FRMPD4: variants seen among roughly 807,000 people sequenced by gnomAD.
FRMPD4 encodes the protein FERM and PDZ domain-containing protein 4.
Under a neutral mutation model 94.1 loss-of-function variants are expected in FRMPD4, and 22 were observed. The ratio of observed to expected loss-of-function variants is 0.23; its 90% CI spans 0.17 to 0.33. The LOEUF (loss-of-function observed/expected upper bound fraction) is 0.33. Among genes scored for constraint, FRMPD4 ranks in the 10% least tolerant of loss-of-function variants. The probability of loss-of-function intolerance (pLI) is 1.00; values close to 1 mark genes in which losing one functional copy is unlikely to be tolerated. For synonymous variants in FRMPD4, 631 were observed against 548.6 expected (o/e 1.15, Z -2.10); for missense variants, 1,111 against 1,339.9 (o/e 0.83, Z 2.67).
rs184587144 is a variant in FRMPD4 at position 12,079,901 on chromosome X, T to C, written c.95+201883T>C. Among the ~76,000 whole-genome samples the C allele has an allele frequency of 4.0e-3, 456 of 112,779 alleles. 5 individuals carry two copies. The highest frequency in any genetic ancestry group is 0.037 in the Admixed American group (395 of 10,685). On this transcript the variant is annotated intron_variant, in intron 3 of 18. Transcript: ENST00000640291. ...AACTGGCTAAAAACATGAATGTCTC[T>C]TTACATTCTAGGCTTTAAATAAAAA...
intron 3 of FRMPD4, among the ~76,000 whole-genome samples, chrX:12,086,222 GCTGTGTACTTAC>G (rs895725843): frequency 9.0e-6 from 1 of 111,308 alleles, no homozygotes; most frequent in Non-Finnish European, 1.9e-5. Context: ...TTATAGAAAT[GCTGTGTACTTAC>G]CTTCTTCTTG....
chrX:12,277,632 A>C (rs930890768), intron 1 of FRMPD4, among the ~76,000 whole-genome samples: 8 of 111,926 alleles, frequency 7.1e-5, no homozygotes, highest in African/African-American at 2.6e-4. Context: ...TTTGGGAAGA[A>C]AAAGGGGTCA....
intron 1 of FRMPD4, among the ~76,000 whole-genome samples, chrX:12,442,723 A>T (rs1358549857): frequency 2.7e-5 from 3 of 111,395 alleles, no homozygotes; most frequent in Non-Finnish European, 3.8e-5. Context: ...TGGTAGTTCC[A>T]CTCCTAGGTT....
intron 2 of FRMPD4, among the ~76,000 whole-genome samples, chrX:12,566,276 T>C (rs2058711298): frequency 9.0e-6 from 1 of 111,657 alleles, no homozygotes; most frequent in Non-Finnish European, 1.9e-5. Context: ...ACCTCCTCCA[T>C]GATCTTGCTC....
rs890356578 is a variant in FRMPD4, at chrX:12,024,572, A to G, written c.95+146554A>G. On this transcript the variant is annotated intron_variant, in intron 3 of 18. Coordinates refer to the FRMPD4 transcript ENST00000640291. ...ATCAAGAAAATCCATGTATTATCCT[A>G]TACTTGTTTTCACATTTTAGAAAGG... Among the ~76,000 whole-genome samples the G allele has an allele frequency of 2.7e-5, 3 of 112,196 alleles. No homozygotes were observed. In the Admixed American group the frequency reaches 2.8e-4, roughly 11 times the overall value.
At chrX:12,472,706 G>T (rs1028167420) in intron 1 of FRMPD4, among the ~76,000 whole-genome samples, 1 of 111,639 alleles carries the variant, frequency 9.0e-6, no homozygotes, top group African/African-American at 3.3e-5. Context: ...TGGAAGAAAG[G>T]GTATCAGTGA....
intron 1 of FRMPD4, among the ~76,000 whole-genome samples, chrX:12,380,108 A>G (rs1483110775): frequency 4.5e-5 from 5 of 111,925 alleles, no homozygotes; most frequent in Non-Finnish European, 9.4e-5. Flanking sequence ...TTGATGACAC[A>G]TTCTTCAATT....
intron 3 of FRMPD4, among the ~76,000 whole-genome samples, chrX:11,934,901 G>C (rs1283935614): frequency 9.0e-6 from 1 of 111,351 alleles, no homozygotes; most frequent in African/African-American, 3.3e-5. Flanking sequence ...TGTTTGTAGC[G>C]TAAGAGGGAT....
At chrX:12,673,885 C>T (rs758897248) in intron 4 of FRMPD4, among the ~76,000 whole-genome samples, 1 of 112,124 alleles carries the variant, frequency 8.9e-6, no homozygotes, top group East Asian at 2.8e-4. Context: ...TGGGCCGAGC[C>T]ACAAATCAGT....
At chrX:12,383,347 T>C (rs373851545) in intron 1 of FRMPD4, among the ~76,000 whole-genome samples, 48 of 111,630 alleles carry the variant, frequency 4.3e-4, no homozygotes, top group African/African-American at 1.6e-3. Context: ...TCTGGAGACA[T>C]TGTCACATCT....
chrX:12,365,747 G>T (rs2056065075), intron 1 of FRMPD4, among the ~76,000 whole-genome samples: 1 of 112,236 alleles, frequency 8.9e-6, no homozygotes, highest in Non-Finnish European at 1.9e-5. Flanking sequence ...CAGGGCAGGG[G>T]CAGGGGGCAA....
chrX:12,584,285 G>A (rs1426166826), intron 2 of FRMPD4, among the ~76,000 whole-genome samples: 2 of 112,043 alleles, frequency 1.8e-5, no homozygotes, highest in Non-Finnish European at 3.8e-5. Context: ...TTGAGAGTGT[G>A]ATTTCACTGT....
intron 1 of FRMPD4, among the ~76,000 whole-genome samples, chrX:12,331,378 C>A (rs1245889184): frequency 9.5e-6 from 1 of 104,824 alleles, no homozygotes. Flanking sequence ...CCTCCAGGTA[C>A]TGAAGGTTAT....
At chrX:12,213,379 A>G (rs1202878800) in intron 1 of FRMPD4, among the ~76,000 whole-genome samples, 5 of 112,441 alleles carry the variant, frequency 4.4e-5, no homozygotes, top group Non-Finnish European at 7.5e-5. Flanking sequence ...AAAATTATAC[A>G]ATATAAATGT....
intron 3 of FRMPD4, among the ~76,000 whole-genome samples, chrX:11,946,484 C>T (rs1272400490): frequency 9.0e-6 from 1 of 111,454 alleles, no homozygotes; most frequent in Non-Finnish European, 1.9e-5. Flanking sequence ...AGACGGTTTG[C>T]ACTTAGTTGT....
At chrX:12,266,076 T>C (rs2054269145) in intron 1 of FRMPD4, among the ~76,000 whole-genome samples, 2 of 87,274 alleles carry the variant, frequency 2.3e-5, no homozygotes, top group Non-Finnish European at 4.2e-5. Context: ...GAGCTTGCAG[T>C]GAGCCGAGAT....
At chrX:12,381,692 A>T (rs1489121168) in intron 1 of FRMPD4, among the ~76,000 whole-genome samples, 1 of 112,073 alleles carries the variant, frequency 8.9e-6, no homozygotes, top group African/African-American at 3.2e-5. Flanking sequence ...TGTTCTGGCT[A>T]TGGTCAAATT....
intron 3 of FRMPD4, among the ~76,000 whole-genome samples, chrX:12,082,247 A>AG (rs2055068354): frequency 8.9e-6 from 1 of 111,739 alleles, no homozygotes; most frequent in South Asian, 3.8e-4. Flanking sequence ...GGGAAAGACC[A>AG]GGGGGATGTA....
intron 9 of FRMPD4, among the ~76,000 whole-genome samples, chrX:12,699,606 C>T (rs750047291): frequency 4.9e-4 from 55 of 111,655 alleles, no homozygotes; most frequent in Non-Finnish European, 9.2e-4. Context: ...ATATAGGAAG[C>T]GGTTATAAAT....
Sources: allele counts gnomAD v4.1 joint callset (sites outside exome capture counted in the v4.1 genomes callset), GRCh38; gene constraint gnomAD v4.1.1; transcripts MANE v1.5; gene names NCBI Gene and HGNC (gene_info 2026-07-23, HGNC 2026-07-21).